The following CLSTN2 variants were observed in gnomAD, a reference collection of about 807,000 sequenced individuals.
The protein encoded by CLSTN2 is calsyntenin-2.
CLSTN2 carries 48 observed loss-of-function variants against 101.2 expected under a neutral mutation model. That is an observed-to-expected ratio of 0.47 (90% CI 0.38 to 0.60). The LOEUF (loss-of-function observed/expected upper bound fraction) is 0.60, where lower values mean the gene tolerates loss of function less well. CLSTN2 is among the 20% of genes least tolerant of loss of function. The pLI is 0.00. For missense variants in CLSTN2, 1,160 were observed against 1,238.2 expected (o/e 0.94, Z 0.95); for synonymous variants, 481 against 463.6 (o/e 1.04, Z -0.48).
At chr3:140,134,757 A>G (rs895089377) in intron 1 of CLSTN2, among the ~76,000 whole-genome samples, 1 of 152,086 alleles carries the variant, frequency 6.6e-6, no homozygotes, top group Non-Finnish European at 1.5e-5. Flanking sequence ...TGGGGGAAGG[A>G]GAGGGTGGAG....
At chr3:139,979,674 T>G (rs1935883489) in intron 1 of CLSTN2, among the ~76,000 whole-genome samples, 1 of 152,216 alleles carries the variant, frequency 6.6e-6, no homozygotes. Context: ...AACTGACTTT[T>G]TGAGAAGATT....
chr3:140,066,265 G>C (rs1228840984), intron 1 of CLSTN2, among the ~76,000 whole-genome samples: 1 of 152,228 alleles, frequency 6.6e-6, no homozygotes, highest in African/African-American at 2.4e-5. Flanking sequence ...TGCAGTCCCA[G>C]TGTGAGCTGC....
chr3:140,486,952 A>T (rs982898889), intron 8 of CLSTN2, among the ~76,000 whole-genome samples: 1 of 152,230 alleles, frequency 6.6e-6, no homozygotes, highest in Non-Finnish European at 1.5e-5. Flanking sequence ...AGTTTAAGGC[A>T]TTTGGAGAAT....
intron 1 of CLSTN2, among the ~76,000 whole-genome samples, chr3:140,108,252 A>C (rs1360298587): frequency 6.6e-6 from 1 of 152,180 alleles, no homozygotes; most frequent in Admixed American, 6.5e-5. Flanking sequence ...GCTGAAATTG[A>C]AGTGTGTTTG....
intron 1 of CLSTN2, among the ~76,000 whole-genome samples, chr3:139,961,728 T>G (rs1430246788): frequency 1.3e-5 from 2 of 152,194 alleles, no homozygotes; most frequent in Non-Finnish European, 1.5e-5. Context: ...TTATTTATTT[T>G]ATAATAAAAT....
rs60526696 is a variant in CLSTN2, at chr3:140,229,954, T to C, written c.232+53881T>C. On this transcript the variant is annotated intron_variant, in intron 2 of 16. Transcript: ENST00000458420. ...GATGTGGTAGCCCAGTTTATTTTTT[T>C]GGTTTTGAAGTACAACCATATAGAA... is the stretch of plus-strand genomic sequence containing the variant. Among the ~76,000 whole-genome samples the C allele has an allele frequency of 4.2e-3, 634 of 152,242 alleles. 3 individuals are homozygous for C. The highest frequency in any genetic ancestry group is 0.014 in the African/African-American group (601 of 41,554).
intron 1 of CLSTN2, among the ~76,000 whole-genome samples, chr3:139,958,265 CA>C (rs1188198035): frequency 4.6e-5 from 7 of 152,182 alleles, no homozygotes; most frequent in Non-Finnish European, 1.0e-4. Context: ...CCACAGTCAT[CA>C]AACACCAAGA....
Position 140,320,409 on chromosome 3 carries a change from G to A in CLSTN2, c.233-83220G>A, listed in dbSNP as rs147555687. Among the ~76,000 whole-genome samples, 759 of 152,248 alleles carry A rather than the reference G, an allele frequency of 5.0e-3. 5 individuals carry two copies. Among genetic ancestry groups the A allele is most frequent in the African/African-American group, 0.017 (697 of 41,542 alleles). ...CCCTAGAAGAAGGAGAAGAGTGAGC[G>A]ATAGGACTAATAAGGAAAATGATAA... On this transcript the variant is annotated intron_variant, in intron 2 of 16. Coordinates refer to ENST00000458420, the MANE Select transcript of CLSTN2 (RefSeq NM_022131.3).
rs561949314 is a variant in CLSTN2 at position 140,367,741 on chromosome 3, C to A, written c.233-35888C>A. Among the ~76,000 whole-genome samples, 6 of 152,236 alleles carry A rather than the reference C, an allele frequency of 3.9e-5. No homozygotes were observed. In the South Asian group the frequency reaches 1.2e-3, roughly 32 times the overall value. Reference sequence around the variant, plus strand: ...GTTCTTATTCCAGCCTTAGCTGTACCTCTTATTAAATTTGTAGCATTGGGT... The same window carrying A: ...GTTCTTATTCCAGCCTTAGCTGTACATCTTATTAAATTTGTAGCATTGGGT... On this transcript the variant is annotated intron_variant, in intron 2 of 16. Transcript: ENST00000458420.
chr3:140,340,425 T>C (rs1159938787), intron 2 of CLSTN2, among the ~76,000 whole-genome samples: 2 of 152,238 alleles, frequency 1.3e-5, no homozygotes, highest in Non-Finnish European at 1.5e-5. Flanking sequence ...TGTATACCCA[T>C]AGAATGATTG....
intron 2 of CLSTN2, among the ~76,000 whole-genome samples, chr3:140,379,324 G>C (rs1044634187): frequency 6.6e-6 from 1 of 152,174 alleles, no homozygotes; most frequent in African/African-American, 2.4e-5. Context: ...TACACCCAGA[G>C]TACCCTAGGA....
chr3:140,363,568 C>G (rs1275880425), intron 2 of CLSTN2, among the ~76,000 whole-genome samples: 3 of 152,188 alleles, frequency 2.0e-5, no homozygotes, highest in Non-Finnish European at 4.4e-5. Flanking sequence ...GGTACCATGG[C>G]AGCTGACAGT....
chr3:140,201,099 G>A (rs569357854), intron 2 of CLSTN2, among the ~76,000 whole-genome samples: 2 of 152,230 alleles, frequency 1.3e-5, no homozygotes, highest in African/African-American at 2.4e-5. Context: ...TGAGATGAAC[G>A]TGACAGAGGC....
chr3:140,206,423 G>C (rs1045069615), intron 2 of CLSTN2, among the ~76,000 whole-genome samples: 13 of 152,348 alleles, frequency 8.5e-5, no homozygotes, highest in Admixed American at 3.9e-4. Flanking sequence ...ATTTGGCAAA[G>C]TGGCCCTAAA....
intron 4 of CLSTN2, among the ~76,000 whole-genome samples, chr3:140,405,168 T>C (rs2088289109): frequency 6.6e-6 from 1 of 152,152 alleles, no homozygotes; most frequent in Non-Finnish European, 1.5e-5. Flanking sequence ...TGCCTCTAGA[T>C]GAAGACATGC....
chr3:139,997,260 A>G (rs1352792393), intron 1 of CLSTN2, among the ~76,000 whole-genome samples: 2 of 152,158 alleles, frequency 1.3e-5, no homozygotes, highest in East Asian at 1.9e-4. Flanking sequence ...TTTGATGAAT[A>G]AAAGTTTTTA....
At chr3:140,370,460 T>C (rs1242116487) in intron 2 of CLSTN2, among the ~76,000 whole-genome samples, 1 of 152,024 alleles carries the variant, frequency 6.6e-6, no homozygotes, top group Non-Finnish European at 1.5e-5. Context: ...TGGTAGGTGC[T>C]CAGTATATAT....
intron 2 of CLSTN2, among the ~76,000 whole-genome samples, chr3:140,202,781 A>G (rs1435377859): frequency 1.3e-5 from 2 of 152,320 alleles, no homozygotes; most frequent in Admixed American, 6.5e-5. Flanking sequence ...CCAGAAGCAA[A>G]GTAAAGACAG....
At chr3:140,397,265 A>T (rs912122017) in intron 2 of CLSTN2, among the ~76,000 whole-genome samples, 1 of 152,184 alleles carries the variant, frequency 6.6e-6, no homozygotes, top group East Asian at 1.9e-4. Context: ...AGGTAGAAGT[A>T]TATGAAGAAA....
Sources: gnomAD v4.1 joint callset for allele counts (sites outside exome capture counted in the v4.1 genomes callset) on GRCh38, gnomAD v4.1.1 for gene constraint, MANE v1.5 for transcripts, NCBI Gene and HGNC (gene_info 2026-07-23, HGNC 2026-07-21) for gene names.